The following SGCZ variants were observed in gnomAD, a reference collection of about 807,000 sequenced individuals.
The protein encoded by SGCZ is zeta-sarcoglycan.
In SGCZ, 40 loss-of-function variants were observed where a neutral mutation model predicts 41.3. That is an observed-to-expected ratio of 0.97 (90% CI 0.75 to 1.26). The LOEUF (loss-of-function observed/expected upper bound fraction) is 1.26. Among genes scored for constraint, SGCZ ranks in the 50% most tolerant of loss-of-function variants. The pLI is 0.00. For missense variants in SGCZ, 552 were observed against 369.8 expected (o/e 1.49, Z -4.04); for synonymous variants, 206 against 137.5 (o/e 1.50, Z -3.49).
intron 2 of SGCZ, among the ~76,000 whole-genome samples, chr8:14,371,008 A>G (rs2117161164): frequency 6.6e-6 from 1 of 152,144 alleles, no homozygotes; most frequent in African/African-American, 2.4e-5. Flanking sequence ...ACACAAATGA[A>G]TAAGTTAGCA....
intron 2 of SGCZ, among the ~76,000 whole-genome samples, chr8:14,463,293 C>T (rs1193249382): frequency 2.0e-5 from 3 of 150,822 alleles, no homozygotes; most frequent in Non-Finnish European, 3.0e-5. Context: ...AGGGCTCACA[C>T]TTTCTGATTT....
intron 1 of SGCZ, among the ~76,000 whole-genome samples, chr8:14,562,361 T>A (rs951239320): frequency 2.0e-5 from 3 of 152,104 alleles, no homozygotes; most frequent in Non-Finnish European, 4.4e-5. Flanking sequence ...AATCTCACGT[T>A]TGACGAAAAC....
chr8:14,715,052 A>C (rs1809643867), intron 1 of SGCZ, among the ~76,000 whole-genome samples: 1 of 152,204 alleles, frequency 6.6e-6, no homozygotes, highest in Non-Finnish European at 1.5e-5. Flanking sequence ...TATTTTAAAA[A>C]TATATATTCT....
chr8:14,674,775 C>G (rs912154692), intron 1 of SGCZ, among the ~76,000 whole-genome samples: 3 of 151,252 alleles, frequency 2.0e-5, no homozygotes, highest in Non-Finnish European at 4.4e-5. Flanking sequence ...TGTGTAGCCC[C>G]TCCCCTGCCC....
chr8:14,892,828 T>G (rs1046509243), intron 1 of SGCZ, among the ~76,000 whole-genome samples: 1 of 152,186 alleles, frequency 6.6e-6, no homozygotes, highest in Non-Finnish European at 1.5e-5. Flanking sequence ...ATAGAAGGTT[T>G]GAACTATATG....
At chr8:14,982,216 C>A (rs1178361661) in intron 1 of SGCZ, among the ~76,000 whole-genome samples, 1 of 151,628 alleles carries the variant, frequency 6.6e-6, no homozygotes, top group Non-Finnish European at 1.5e-5. Context: ...TGAAATGGAT[C>A]ATTTTTGCTG....
In SGCZ at chr8:14,089,373, T is replaced by G. The variant is rs888441263; in HGVS notation, c.*1070A>C. 6.6e-6 allele frequency among the ~76,000 whole-genome samples: 1 copy of G among 151,998 alleles called. No individual in the cohort carries two copies. The highest frequency in any genetic ancestry group is 2.4e-5 in the African/African-American group (1 of 41,428). ...GTTAGCTTCTGACTTCTTTAAATCT[T>G]AACCTCCAATAAAAAATAGATGGAG... On this transcript the variant is annotated 3_prime_UTR_variant, in exon 8 of 8. Transcript: ENST00000382080.
intron 1 of SGCZ, among the ~76,000 whole-genome samples, chr8:14,589,940 T>A (rs557139883): frequency 8.9e-4 from 135 of 152,262 alleles, no homozygotes; most frequent in African/African-American, 3.2e-3. Context: ...CTGTAATTCC[T>A]TTCACCCAGT....
intron 1 of SGCZ, among the ~76,000 whole-genome samples, chr8:14,783,929 GT>G (rs1260818511): frequency 1.3e-5 from 2 of 152,072 alleles, no homozygotes; most frequent in East Asian, 1.9e-4. Flanking sequence ...ATAAATTGAA[GT>G]TTTTGAAGAA....
intron 2 of SGCZ, among the ~76,000 whole-genome samples, chr8:14,404,644 A>G (rs1799162706): frequency 6.6e-6 from 1 of 152,192 alleles, no homozygotes; most frequent in African/African-American, 2.4e-5. Flanking sequence ...GACTTTAATT[A>G]TAAAAGGAAG....
chr8:14,103,732 G>A (rs563608494), intron 6 of SGCZ, among the ~76,000 whole-genome samples: 7 of 152,074 alleles, frequency 4.6e-5, no homozygotes, highest in African/African-American at 1.7e-4. Context: ...ATAATCCCTG[G>A]AGGGGTGAGG....
chr8:14,761,149 C>A (rs1016595637), intron 1 of SGCZ, among the ~76,000 whole-genome samples: 3 of 152,100 alleles, frequency 2.0e-5, no homozygotes, highest in Non-Finnish European at 4.4e-5. Flanking sequence ...AGTGCTTTCA[C>A]GGTCTTCGCT....
chr8:14,730,599 C>G (rs1053321231), intron 1 of SGCZ, among the ~76,000 whole-genome samples: 3 of 148,852 alleles, frequency 2.0e-5, no homozygotes, highest in Non-Finnish European at 4.5e-5. Context: ...GATCTGCTAA[C>G]ATCAGGTTCT....
In SGCZ at chr8:14,232,132, T is replaced by C. The variant is rs1457479795; in HGVS notation, c.424+5460A>G. ...ATTTTCTAATCAAACAAATCTTCTT[T>C]CATCATATATATATACATATATATT... is the stretch of plus-strand genomic sequence containing the variant. On this transcript the variant is annotated intron_variant, in intron 4 of 7. Coordinates refer to ENST00000382080, the MANE Select transcript of SGCZ (RefSeq NM_139167.4). Among the ~76,000 whole-genome samples, 5 of 32,614 alleles carry C rather than the reference T, an allele frequency of 1.5e-4. No homozygotes were observed. In the Admixed American group the frequency reaches 2.7e-3, roughly 18 times the overall value. The allele number at this position is 32,614 out of a possible 152,430, so 21.4% of individuals were successfully genotyped here.
chr8:14,545,263 T>C (rs537338227), intron 2 of SGCZ, among the ~76,000 whole-genome samples: 6 of 151,908 alleles, frequency 3.9e-5, no homozygotes, highest in Admixed American at 6.5e-5. Context: ...CAACTGGCAA[T>C]AGAAAGGACA....
intron 5 of SGCZ, among the ~76,000 whole-genome samples, chr8:14,140,063 G>A (rs920487620): frequency 6.6e-6 from 1 of 151,304 alleles, no homozygotes; most frequent in African/African-American, 2.4e-5. Flanking sequence ...CAGAACCAAA[G>A]ATCAAAACCA....
At chr8:14,806,305 A>G (rs987126922) in intron 1 of SGCZ, among the ~76,000 whole-genome samples, 2 of 150,772 alleles carry the variant, frequency 1.3e-5, no homozygotes, top group Non-Finnish European at 2.9e-5. Context: ...GGTTTTTTGA[A>G]AGGATCAACA....
intron 2 of SGCZ, among the ~76,000 whole-genome samples, chr8:14,379,048 T>A (rs113924438): frequency 0.019 from 2,927 of 152,274 alleles, 79 homozygotes; most frequent in African/African-American, 0.055. Flanking sequence ...ATAACTAAAG[T>A]ATTTTCACTT....
At chr8:14,430,695 A>G (rs1799919553) in intron 2 of SGCZ, among the ~76,000 whole-genome samples, 1 of 152,162 alleles carries the variant, frequency 6.6e-6, no homozygotes, top group Admixed American at 6.5e-5. Context: ...TTCTAGTCAG[A>G]GCAACCAGAC....
Sources: allele counts gnomAD v4.1 joint callset (sites outside exome capture counted in the v4.1 genomes callset), GRCh38; gene constraint gnomAD v4.1.1; transcripts MANE v1.5; gene names NCBI Gene and HGNC (gene_info 2026-07-23, HGNC 2026-07-21).